Variants in SYT16 observed in about 807,000 individuals in gnomAD.
SYT16 encodes synaptotagmin 16, also known as synaptotagmin-16.
A neutral mutation model predicts 61.4 loss-of-function variants in SYT16; 42 were observed. The observed-to-expected ratio is 0.68, with a 90% confidence interval of 0.53 to 0.89. SYT16 has a LOEUF of 0.89. SYT16 is among the 40% of genes least tolerant of loss of function. The pLI, the probability that SYT16 is intolerant of heterozygous loss-of-function variation, is 0.00. For missense variants in SYT16, 804 were observed against 807.3 expected (o/e 1.00, Z 0.05); for synonymous variants, 314 against 302.3 (o/e 1.04, Z -0.40).
chr14:61,854,098 ATATGTG>A (rs987907143), intron 1 of SYT16, among the ~76,000 whole-genome samples: 12 of 152,166 alleles, frequency 7.9e-5, no homozygotes, highest in Non-Finnish European at 2.9e-5. Flanking sequence ...CCCCACCCCA[ATATGTG>A]TATGTGTACA....
At chr14:61,939,571 T>A (rs995544541) in intron 1 of SYT16, among the ~76,000 whole-genome samples, 5 of 152,210 alleles carry the variant, frequency 3.3e-5, no homozygotes, top group Non-Finnish European at 7.3e-5. Flanking sequence ...TTCCTTCACG[T>A]GTGTACATGC....
At chr14:61,950,551 C>T (rs954771007) in intron 1 of SYT16, among the ~76,000 whole-genome samples, 3 of 152,102 alleles carry the variant, frequency 2.0e-5, no homozygotes, top group Non-Finnish European at 4.4e-5. Context: ...GATGTGGGCA[C>T]GCAAGTGGGT....
intron 3 of SYT16, among the ~76,000 whole-genome samples, chr14:62,003,670 A>C (rs967840501): frequency 6.6e-6 from 1 of 152,120 alleles, no homozygotes; most frequent in Admixed American, 6.6e-5. Flanking sequence ...TTAACACTAC[A>C]CTGTGAAATT....
Position 61,993,949 on chromosome 14 carries a change from G to A in SYT16, c.-144-1927G>A, listed in dbSNP as rs78008064. ...TAAACAGACAATCCCTGCCATCCAG[G>A]GAGCCTCCATTCTAGAGCAGGAGAC... is the stretch of plus-strand genomic sequence containing the variant. On this transcript the variant is annotated intron_variant, in intron 2 of 7. Transcript: ENST00000683842. 9.6e-3 allele frequency among the ~76,000 whole-genome samples: 1,465 copies of A among 152,204 alleles called. 18 individuals carry two copies. The highest frequency in any genetic ancestry group is 0.034 in the African/African-American group (1,409 of 41,532).
intron 1 of SYT16, among the ~76,000 whole-genome samples, chr14:61,954,609 A>G (rs149744074): frequency 6.6e-6 from 1 of 152,270 alleles, no homozygotes; most frequent in East Asian, 1.9e-4. Flanking sequence ...ATTTCTTGAC[A>G]TATGTGCCCT....
At chr14:61,994,053 C>T (rs529092145) in intron 2 of SYT16, among the ~76,000 whole-genome samples, 94 of 152,026 alleles carry the variant, frequency 6.2e-4, no homozygotes, top group Non-Finnish European at 1.1e-3. Flanking sequence ...GCATATGAAG[C>T]GAACTAGGTA....
At chr14:62,064,946 C>A (rs117960587) in intron 3 of SYT16, among the ~76,000 whole-genome samples, 714 of 152,272 alleles carry the variant, frequency 4.7e-3, no homozygotes, top group Non-Finnish European at 7.3e-3. Flanking sequence ...TGCAAGAGAT[C>A]GCAAGTTTCA....
intron 1 of SYT16, among the ~76,000 whole-genome samples, chr14:61,819,883 G>T (rs1165912261): frequency 2.6e-5 from 4 of 152,168 alleles, no homozygotes; most frequent in African/African-American, 2.4e-5. Context: ...GAATTACAAG[G>T]AGTAAAAGAG....
intron 7 of SYT16, among the ~76,000 whole-genome samples, chr14:62,087,709 G>A (rs111254268): frequency 4.6e-5 from 7 of 152,232 alleles, no homozygotes; most frequent in African/African-American, 1.4e-4. Flanking sequence ...TTAGATAATC[G>A]GATATTTTTT....
At position 62,081,111 on chromosome 14, in the gene SYT16, A is replaced by G. The variant is rs1387137996; in HGVS notation, c.1271A>G (p.Glu424Gly). The G allele has an allele frequency of 6.2e-7, 1 of 1,613,912 alleles. No individual in the cohort carries two copies. The highest frequency in any genetic ancestry group is 8.5e-7 in the Non-Finnish European group (1 of 1,179,864). Residue 424 changes from glutamate to glycine, a missense_variant, in exon 6 of 8, where the codon GAG becomes GGG. By Grantham distance (98) the Glu-to-Gly change is moderately conservative (BLOSUM62 -2). Transcript: ENST00000683842. ...FREKVTFAKL[E>G]PRDVAACAVR... ...GAGAAGGTCACCTTTGCCAAGCTGGAGCCCAGAGATGTGGCTGCCTGTGCT... is the reference window on the plus strand; with the variant it reads ...GAGAAGGTCACCTTTGCCAAGCTGGGGCCCAGAGATGTGGCTGCCTGTGCT...
At chr14:61,939,197 A>T (rs1346926257) in intron 1 of SYT16, among the ~76,000 whole-genome samples, 1 of 152,182 alleles carries the variant, frequency 6.6e-6, no homozygotes, top group Non-Finnish European at 1.5e-5. Flanking sequence ...GTGTCTGGGA[A>T]CTTTGCTATA....
chr14:61,835,296 C>T (rs1190696707), intron 1 of SYT16, among the ~76,000 whole-genome samples: 31 of 121,974 alleles, frequency 2.5e-4, no homozygotes, highest in African/African-American at 8.7e-4. Context: ...CTCACATTGT[C>T]GCCCGGGGAA....
intron 1 of SYT16, among the ~76,000 whole-genome samples, chr14:61,961,527 A>C (rs559331713): frequency 6.6e-6 from 1 of 152,344 alleles, no homozygotes; most frequent in South Asian, 2.1e-4. Context: ...GCTCAATGTC[A>C]CTAATCATTA....
At chr14:61,992,349 T>A (rs1427920040) in intron 2 of SYT16, among the ~76,000 whole-genome samples, 1 of 151,266 alleles carries the variant, frequency 6.6e-6, no homozygotes, top group East Asian at 2.0e-4. Context: ...CAGCGAGGAG[T>A]GGTAAGGAAA....
Position 61,835,600 on chromosome 14 carries a change from T to G in SYT16, c.-325+22790T>G, listed in dbSNP as rs188099252. ...TATGATTGATTTTATCAATCACCTTTTTATGGCCATTTAGGGATTTTTAAA... is the reference window on the plus strand; with the variant it reads ...TATGATTGATTTTATCAATCACCTTGTTATGGCCATTTAGGGATTTTTAAA... On this transcript the variant is annotated intron_variant, in intron 1 of 7. Transcript: ENST00000683842. 3.6e-3 allele frequency among the ~76,000 whole-genome samples: 549 copies of G among 152,156 alleles called. 6 individuals carry two copies. Among genetic ancestry groups the G allele is most frequent in the African/African-American group, 0.012 (505 of 41,512 alleles).
rs1227191302 is a variant in SYT16 at position 62,002,451 on chromosome 14, C to T, written c.523+5909C>T. ...GTGTCTCTCCTTTCAGGCTTTTGCC[C>T]CTTCCCAGGAAAAGCCTGTTATTAT... is the stretch of plus-strand genomic sequence containing the variant. On this transcript the variant is annotated intron_variant, in intron 3 of 7. Coordinates refer to ENST00000683842, the MANE Select transcript of SYT16 (RefSeq NM_001367656.1). Among the ~76,000 whole-genome samples, 7 of 143,832 alleles carry T rather than the reference C, an allele frequency of 4.9e-5. No homozygotes were observed. In the South Asian group the frequency reaches 1.3e-3, roughly 26 times the overall value. The allele number at this position is 143,832 out of a possible 152,430, so 94.4% of individuals were successfully genotyped here.
rs548186124 is a variant in SYT16, at chr14:62,108,143, T to A, written c.*7436T>A. On this transcript the variant is annotated 3_prime_UTR_variant, in exon 8 of 8. Coordinates refer to ENST00000683842, the MANE Select transcript of SYT16 (RefSeq NM_001367656.1). ...AATAGGTAAAGGTCAACATTGGGAGTGTCCCTACCTTGGCAGATAGACCAA... is the reference window on the plus strand; with the variant it reads ...AATAGGTAAAGGTCAACATTGGGAGAGTCCCTACCTTGGCAGATAGACCAA... 7.2e-5 allele frequency: 11 copies of A among 152,282 alleles called. No individual in the cohort carries two copies. Among genetic ancestry groups the A allele is most frequent in the African/African-American group, 2.6e-4 (11 of 41,566 alleles). The allele number at this position is 152,282 out of a possible 1,614,324, so 9.4% of individuals were successfully genotyped here.
chr14:61,852,935 T>G (rs903849166), intron 1 of SYT16, among the ~76,000 whole-genome samples: 4 of 152,218 alleles, frequency 2.6e-5, no homozygotes, highest in African/African-American at 9.6e-5. Context: ...ACTTTTTGTT[T>G]TGAGATGGAG....
At chr14:62,050,081 C>T (rs762789315) in intron 3 of SYT16, among the ~76,000 whole-genome samples, 2 of 152,196 alleles carry the variant, frequency 1.3e-5, no homozygotes, top group Admixed American at 1.3e-4. Context: ...CAACTTGCCT[C>T]CATTCTGCCC....
Sources: gnomAD v4.1 joint callset for allele counts (sites outside exome capture counted in the v4.1 genomes callset) on GRCh38, gnomAD v4.1.1 for gene constraint, MANE v1.5 for transcripts, NCBI Gene and HGNC (gene_info 2026-07-23, HGNC 2026-07-21) for gene names.